Variants in DYNC1H1 observed in about 807,000 individuals in gnomAD.
DYNC1H1 encodes cytoplasmic dynein 1 heavy chain 1.
A neutral mutation model predicts 527.1 loss-of-function variants in DYNC1H1; 51 were observed. That is an observed-to-expected ratio of 0.10 (90% CI 0.08 to 0.12). The LOEUF is 0.12. Ranked by LOEUF, DYNC1H1 falls within the 10% of genes least tolerant of loss-of-function variation. The probability of loss-of-function intolerance (pLI) is 1.00; values close to 1 mark genes in which losing one functional copy is unlikely to be tolerated. For synonymous variants in DYNC1H1, 2,189 were observed against 2,278.8 expected (o/e 0.96, Z 1.12); for missense variants, 2,771 against 5,971.8 (o/e 0.46, Z 17.66).
intron 2 of DYNC1H1, among the ~76,000 whole-genome samples, chr14:101,977,042 G>T (rs1048799777): frequency 6.6e-5 from 10 of 152,130 alleles, no homozygotes; most frequent in African/African-American, 2.4e-4. Context: ...GGGAGTCCTG[G>T]AATCAATTTC....
rs879449194 is a variant in DYNC1H1, at chr14:101,990,724, A to AAG, written c.2869-802_2869-801insGA. On this transcript the variant is annotated intron_variant, in intron 10 of 77. Coordinates refer to ENST00000360184, the MANE Select transcript of DYNC1H1 (RefSeq NM_001376.5). ...ACCCCATCTCTATAAAAAGTACAAAAATTAGGCCGGGCGCGGTGGCTCATG... is the reference window on the plus strand; with the variant it reads ...ACCCCATCTCTATAAAAAGTACAAAAAGATTAGGCCGGGCGCGGTGGCTCATG... 2.7e-3 allele frequency among the ~76,000 whole-genome samples: 412 copies of AAG among 152,078 alleles called. 4 individuals are homozygous for AAG. Among genetic ancestry groups the AAG allele is most frequent in the Middle Eastern group, 6.8e-3 (2 of 294 alleles).
At chr14:102,035,240 AAAT>A (rs2048560254) in intron 56 of DYNC1H1, 1 of 152,294 alleles carries the variant, frequency 6.6e-6, no homozygotes, top group Non-Finnish European at 1.5e-5. Context: ...AAAAAAATAA[AAAT>A]AAAGTGGATT....
At chr14:101,992,060 C>T (rs1427490496) in intron 11 of DYNC1H1, among the ~76,000 whole-genome samples, 1 of 151,520 alleles carries the variant, frequency 6.6e-6, no homozygotes, top group Non-Finnish European at 1.5e-5. Flanking sequence ...ATTTTCTTTC[C>T]TACCTCTCCA....
At chr14:102,034,704 A>C (rs1209055399) in intron 56 of DYNC1H1, 1 of 601,138 alleles carries the variant, frequency 1.7e-6, no homozygotes, top group Non-Finnish European at 2.9e-6. Flanking sequence ...ACAGTGGATC[A>C]CGTGAGGTCA....
At position 102,036,401 on chromosome 14, in the gene DYNC1H1, G is replaced by T; in HGVS notation, c.10755-88G>T. 1 of 1,568,440 alleles carries T rather than the reference G, an allele frequency of 6.4e-7. No homozygotes were observed. Among genetic ancestry groups the T allele is most frequent in the African/African-American group, 1.4e-5 (1 of 73,988 alleles). On this transcript the variant is annotated intron_variant, in intron 56 of 77. Coordinates refer to ENST00000360184, the MANE Select transcript of DYNC1H1 (RefSeq NM_001376.5). The surrounding 1 kb of genome is among the most constrained non-coding windows in gnomAD (Gnocchi z 5.6). Reference sequence around the variant, plus strand: ...GGTGGTGGTAACAGCCTATCAATCAGGGTCTCTCATCAGGGACTCGGCTAA... The same window carrying T: ...GGTGGTGGTAACAGCCTATCAATCATGGTCTCTCATCAGGGACTCGGCTAA...
At chr14:102,047,627 G>GTGTGTGTGTA (rs2048739395) in intron 72 of DYNC1H1, 190 bp from the exon 73 acceptor site, 1 of 399,998 alleles carries the variant, frequency 2.5e-6, no homozygotes, top group Non-Finnish European at 4.2e-6. Flanking sequence ...ACACGTGTGT[G>GTGTGTGTGTA]TGTGTGTGTG....
chr14:101,965,037 G>A lies in DYNC1H1; in HGVS notation c.256+90G>A. On this transcript the variant is annotated intron_variant, in intron 1 of 77. Transcript: ENST00000360184. The surrounding 1 kb of genome is among the most constrained non-coding windows in gnomAD (Gnocchi z 4.1). ...CCTCCGGGGTCGCAGATGTCCCCGG[G>A]ATGGGAGGAGCCCGGCAGCTGCAGA... 1 of 1,374,130 alleles carries A rather than the reference G, an allele frequency of 7.3e-7. No homozygotes were observed. Among genetic ancestry groups the A allele is most frequent in the Non-Finnish European group, 9.9e-7 (1 of 1,014,520 alleles). 85.1% of individuals were successfully genotyped at this position (1,374,130 alleles called of 1,614,324 possible).
chr14:102,044,512 A>G lies in DYNC1H1; in HGVS notation c.12902+21A>G, dbSNP rs1349889416. The G allele has an allele frequency of 6.2e-7, 1 of 1,614,058 alleles. No individual in the cohort carries two copies. Among genetic ancestry groups the G allele is most frequent in the Admixed American group, 1.7e-5 (1 of 60,004 alleles). Reference sequence around the variant, plus strand: ...ATCAGGTATGCTGCTGCCTGCTGGAATGGAGACAGTTGTGATGTCAGGGCG... The same window carrying G: ...ATCAGGTATGCTGCTGCCTGCTGGAGTGGAGACAGTTGTGATGTCAGGGCG... On this transcript the variant is annotated intron_variant, in intron 71 of 77. Coordinates refer to ENST00000360184, the MANE Select transcript of DYNC1H1 (RefSeq NM_001376.5). The surrounding 1 kb of genome is among the most constrained non-coding windows in gnomAD (Gnocchi z 7.1).
In DYNC1H1 at chr14:102,007,031, G is replaced by C; in HGVS notation, c.5740G>C (p.Glu1914Gln). ...PFGPAGTGKT[E>Q]SVKALGHQLG... ...AGGACCTGCTGGAACTGGGAAAACAGAGTCTGTCAAAGCTCTTGGCCATCA... is the reference window on the plus strand; with the variant it reads ...AGGACCTGCTGGAACTGGGAAAACACAGTCTGTCAAAGCTCTTGGCCATCA... Residue 1914 changes from glutamate to glutamine, a missense_variant, in exon 28 of 78, where the codon GAG becomes CAG. Physicochemically the swap from Glu to Gln is conservative, Grantham distance 29. Around this residue, in one of 32 missense-constraint regions of DYNC1H1, gnomAD observed 22 missense variants for 109.5 expected, o/e 0.20. Coordinates refer to ENST00000360184, the MANE Select transcript of DYNC1H1 (RefSeq NM_001376.5). The C allele has an allele frequency of 6.2e-7, 1 of 1,614,248 alleles. No individual in the cohort carries two copies. Among genetic ancestry groups the C allele is most frequent in the Non-Finnish European group, 8.5e-7 (1 of 1,180,032 alleles).
At position 102,011,473 on chromosome 14, in the gene DYNC1H1, C is replaced by T; in HGVS notation, c.6619-402C>T. On this transcript the variant is annotated intron_variant, in intron 32 of 77. Transcript: ENST00000360184. This position sits in a 1 kb window ranked among gnomAD's most constrained non-coding sequence, Gnocchi z 5.3. Reference sequence around the variant, plus strand: ...ATCTGATGTGTCCTTGTTGAGGCTGCTCATTGGTGTCTCCTGTCCCACTGG... The same window carrying T: ...ATCTGATGTGTCCTTGTTGAGGCTGTTCATTGGTGTCTCCTGTCCCACTGG... 2.9e-6 allele frequency: 1 copy of T among 348,050 alleles called. No homozygotes were observed. The highest frequency in any genetic ancestry group is 7.6e-5 in the East Asian group (1 of 13,234). The allele number at this position is 348,050 out of a possible 1,614,324, so 21.6% of individuals were successfully genotyped here.
In DYNC1H1 at chr14:102,049,975, G is replaced by A. The variant is rs571584627; in HGVS notation, c.13684+93G>A. 369 of 1,613,740 alleles carry A rather than the reference G, an allele frequency of 2.3e-4. 4 individuals are homozygous for A. The South Asian group carries it at 2.9e-3, about 13-fold the overall frequency. The stretch of plus-strand genomic sequence containing the variant: ...CCAGATACATGCACTTAGGGTGACC[G>A]GCTGGCAGTTGGGTGGAGCCTCTGG... On this transcript the variant is annotated intron_variant, in intron 76 of 77. Transcript: ENST00000360184. This position sits in a 1 kb window ranked among gnomAD's most constrained non-coding sequence, Gnocchi z 5.5.
chr14:102,003,746 G>A (rs1460487786), intron 23 of DYNC1H1, among the ~76,000 whole-genome samples: 1 of 151,764 alleles, frequency 6.6e-6, no homozygotes, highest in Non-Finnish European at 1.5e-5. Context: ...GGACAACATG[G>A]TGAAACCCTG....
chr14:102,030,059 T>G (rs80027535), intron 50 of DYNC1H1, 103 bp from the exon 51 acceptor site: 1 of 383,022 alleles, frequency 2.6e-6, no homozygotes, highest in Non-Finnish European at 3.5e-6. Context: ...GGAGAGAGAG[T>G]GTGTGTGTGT....
In DYNC1H1 at chr14:102,015,302, G is replaced by A. The variant is rs779649338; in HGVS notation, c.7212G>A (p.Glu2404=). The A allele has an allele frequency of 8.1e-6, 13 of 1,613,890 alleles. No individual in the cohort carries two copies. Among genetic ancestry groups the A allele is most frequent in the East Asian group, 2.2e-5 (1 of 44,874 alleles). The change falls in exon 35 of 78, where the codon GAG becomes GAA. Residue 2404 remains glutamate, a synonymous_variant. Transcript: ENST00000360184. The surrounding 1 kb of genome is among the most constrained non-coding windows in gnomAD (Gnocchi z 6.9). ...GGCGGCGTAAGGGCAAAGAGGATGA[G>A]GGGGAGGAGGCCGCTTCCCCCATGC... ...AQRRRKGKED[E]GEEAASPMLQ...
chr14:102,011,397 C>T lies in DYNC1H1; in HGVS notation c.6618+445C>T, dbSNP rs1352023707. The T allele has an allele frequency of 2.9e-6, 1 of 347,476 alleles. No individual in the cohort carries two copies. The highest frequency in any genetic ancestry group is 4.3e-5 in the Admixed American group (1 of 23,506). The allele number at this position is 347,476 out of a possible 1,614,324, so 21.5% of individuals were successfully genotyped here. ...TGTGTTTGGCCTGAGAGATGCTGTA[C>T]GGGATTGAACACATAGCTCATCCAT... On this transcript the variant is annotated intron_variant, in intron 32 of 77. Coordinates refer to ENST00000360184, the MANE Select transcript of DYNC1H1 (RefSeq NM_001376.5). The surrounding 1 kb of genome is among the most constrained non-coding windows in gnomAD (Gnocchi z 5.3).
rs952994047 is a variant in DYNC1H1 at position 102,053,751 on chromosome 14, GT to G, written c.*3203del. 1.3e-3 allele frequency: 154 copies of G among 118,176 alleles called. No individual in the cohort carries two copies. The highest frequency in any genetic ancestry group is 2.0e-3 in the African/African-American group (58 of 29,054). 7.3% of individuals were successfully genotyped at this position (118,176 alleles called of 1,614,324 possible). A position where few individuals can be genotyped will look rare whatever the true frequency, so the allele number is the denominator to read the frequency against. On this transcript the variant is annotated 3_prime_UTR_variant, in exon 78 of 78. Coordinates refer to ENST00000360184, the MANE Select transcript of DYNC1H1 (RefSeq NM_001376.5). ...GCCACCACACTCGGCCTCTTTGTTT[GT>G]TTTTTTTTTTTTTTGAGACAGTCTG... is the stretch of plus-strand genomic sequence containing the variant.
In DYNC1H1 at chr14:101,994,710, C is replaced by T. The variant is rs1372987939; in HGVS notation, c.3194C>T (p.Ala1065Val). 1 of 1,614,188 alleles carries T rather than the reference C, an allele frequency of 6.2e-7. No individual in the cohort carries two copies. The highest frequency in any genetic ancestry group is 1.7e-5 in the Admixed American group (1 of 60,020). ...TATCAGTGTTTATGGGATATGCAAG[C>T]TGAAAACATCTATAACAGACTTGGA... ...LQYQCLWDMQ[A>V]ENIYNRLGED... Residue 1065 changes from alanine to valine, a missense_variant, in exon 13 of 78, where the codon GCT (alanine) becomes GTT (valine). Physicochemically the swap from Ala to Val is moderately conservative, Grantham distance 64. Around this residue, in one of 32 missense-constraint regions of DYNC1H1, gnomAD observed 179 missense variants for 349.4 expected, o/e 0.51. Coordinates refer to ENST00000360184, the MANE Select transcript of DYNC1H1 (RefSeq NM_001376.5).
intron 77 of DYNC1H1, 103 bp downstream of exon 77, chr14:102,050,301 A>G (rs933887538): frequency 5.6e-6 from 9 of 1,611,390 alleles, no homozygotes; most frequent in Middle Eastern, 1.7e-4. Context: ...GGAACGGGAA[A>G]TGAGGTTCAC....
chr14:101,990,205 A>G (rs964134381), intron 10 of DYNC1H1, among the ~76,000 whole-genome samples: 1 of 152,222 alleles, frequency 6.6e-6, no homozygotes, highest in Non-Finnish European at 1.5e-5. Context: ...AGTGTAAAGC[A>G]CTGGCAGGTG....
Sources: allele counts gnomAD v4.1 joint callset (sites outside exome capture counted in the v4.1 genomes callset), GRCh38; gene constraint gnomAD v4.1.1; regional missense constraint gnomAD v4.1.1; non-coding constraint Gnocchi (gnomAD v3.1); transcripts MANE v1.5; gene names NCBI Gene and HGNC (gene_info 2026-07-23, HGNC 2026-07-21).